Variants in VSIR observed in about 807,000 individuals in gnomAD.
VSIR encodes the protein V-type immunoglobulin domain-containing suppressor of T-cell activation.
VSIR carries 10 observed loss-of-function variants against 31.0 expected under a neutral mutation model. The ratio of observed to expected loss-of-function variants is 0.32; its 90% CI spans 0.20 to 0.55. The LOEUF is 0.55. VSIR is among the 20% of genes least tolerant of loss of function. The pLI is 0.93. For missense variants in VSIR, 356 were observed against 416.2 expected, an observed-to-expected ratio of 0.86 and a Z score of 1.26; for synonymous variants, 179 against 180.1, an observed-to-expected ratio of 0.99 and a Z score of 0.05.
At chr10:71,759,727 G>A (rs563351580) in intron 3 of VSIR, among the ~76,000 whole-genome samples, 5 of 151,324 alleles carry the variant, frequency 3.3e-5, no homozygotes, top group East Asian at 3.9e-4. Context: ...CAGAAGAATC[G>A]CTTGAATCCG....
intron 1 of VSIR, among the ~76,000 whole-genome samples, chr10:71,765,997 G>A (rs980609930): frequency 2.6e-5 from 4 of 152,146 alleles, no homozygotes; most frequent in Non-Finnish European, 4.4e-5. Context: ...GCAGCCTGTC[G>A]TTAGGAGGAC....
intron 3 of VSIR, among the ~76,000 whole-genome samples, chr10:71,755,999 C>G (rs1024414155): frequency 2.6e-5 from 4 of 152,042 alleles, no homozygotes; most frequent in African/African-American, 9.7e-5. Flanking sequence ...AGATAAAAAG[C>G]CCCAACTCAT....
intron 3 of VSIR, among the ~76,000 whole-genome samples, chr10:71,758,821 G>A (rs939229261): frequency 6.6e-6 from 1 of 152,188 alleles, no homozygotes; most frequent in African/African-American, 2.4e-5. Flanking sequence ...GAGCCCAGGA[G>A]TTCAAGACCA....
rs376417656 is a variant in VSIR, at chr10:71,761,884, G to A, written c.225C>T (p.Ser75=). 1.6e-5 allele frequency: 26 copies of A among 1,614,014 alleles called. No homozygotes were observed. Among genetic ancestry groups the A allele is most frequent in the Non-Finnish European group, 2.2e-5 (26 of 1,180,044 alleles). The part of the protein sequence containing the change: ...DVTFYKTWYR[S]SRGEVQTCSE... ...AGCAGGTCTGCACCTCGCCCCTCGA[G>A]CTGCGGTACCACGTCTTGTAGAAGG... Residue 75 remains serine, a synonymous_variant, in exon 2 of 7, where the codon AGC becomes AGT. Transcript: ENST00000394957.
At position 71,773,220 on chromosome 10, in the gene VSIR, C is replaced by T. The variant is rs1840727223; in HGVS notation, c.82+138G>A. ...CACCCTGCCTAGGGGTCCCAGCAGC[C>T]TCTGGGCGGTGGGTGGAGTGGGGTG... On this transcript the variant is annotated intron_variant, in intron 1 of 6. Coordinates refer to ENST00000394957, the MANE Select transcript of VSIR (RefSeq NM_022153.2). The T allele has an allele frequency of 9.7e-6, 10 of 1,029,938 alleles. No homozygotes were observed. The South Asian group carries it at 1.4e-4, about 15-fold the overall frequency. 63.8% of individuals were successfully genotyped at this position (1,029,938 alleles called of 1,614,324 possible). A position where few individuals can be genotyped will look rare whatever the true frequency, so the allele number is the denominator to read the frequency against.
intron 3 of VSIR, among the ~76,000 whole-genome samples, chr10:71,759,818 T>TACACACACACAC (rs1487599802): frequency 0.11 from 5,780 of 50,384 alleles, 1,051 homozygotes; most frequent in East Asian, 0.21. Flanking sequence ...TTTCAGAAAA[T>TACACACACACAC]ATACACACAC....
intron 1 of VSIR, among the ~76,000 whole-genome samples, chr10:71,770,569 C>A (rs1312324447): frequency 6.6e-6 from 1 of 152,236 alleles, no homozygotes. Context: ...GGAGACCAGA[C>A]TGACCCTGGG....
chr10:71,761,880 T>A lies in VSIR; in HGVS notation c.229A>T (p.Arg77Trp), dbSNP rs1304665446. Reference sequence around the variant, plus strand: ...TCTGAGCAGGTCTGCACCTCGCCCCTCGAGCTGCGGTACCACGTCTTGTAG... The same window carrying A: ...TCTGAGCAGGTCTGCACCTCGCCCCACGAGCTGCGGTACCACGTCTTGTAG... Reference protein sequence around the residue: ...TFYKTWYRSSRGEVQTCSERR... With the variant: ...TFYKTWYRSSWGEVQTCSERR... Residue 77 changes from arginine to tryptophan, a missense_variant, in exon 2 of 7, where the codon AGG becomes TGG. Physicochemically the swap from Arg to Trp is moderately radical, Grantham distance 101. This residue lies in a region of VSIR where 166 missense variants were observed against 231.0 expected (regional missense o/e 0.72). Coordinates refer to ENST00000394957, the MANE Select transcript of VSIR (RefSeq NM_022153.2). The A allele has an allele frequency of 4.3e-6, 7 of 1,614,064 alleles. No individual in the cohort carries two copies. Among genetic ancestry groups the A allele is most frequent in the African/African-American group, 1.3e-5 (1 of 75,032 alleles).
intron 1 of VSIR, among the ~76,000 whole-genome samples, chr10:71,765,436 G>A (rs1840512293): frequency 6.6e-6 from 1 of 152,224 alleles, no homozygotes; most frequent in South Asian, 2.1e-4. Flanking sequence ...GGTGGGGTTG[G>A]GGGCCCTCAA....
intron 1 of VSIR, among the ~76,000 whole-genome samples, chr10:71,770,643 G>T (rs1184227765): frequency 6.6e-6 from 1 of 152,162 alleles, no homozygotes. Context: ...CTGCCAACGG[G>T]TTCTCCTTGA....
chr10:71,764,364 A>G (rs1322462389), intron 1 of VSIR, among the ~76,000 whole-genome samples: 1 of 152,230 alleles, frequency 6.6e-6, no homozygotes, highest in Non-Finnish European at 1.5e-5. Flanking sequence ...AGCAAGTGCT[A>G]GAGCTAGAAT....
At chr10:71,752,117 C>CA in intron 5 of VSIR, 1 of 642,534 alleles carries the variant, frequency 1.6e-6, no homozygotes, top group Non-Finnish European at 2.8e-6. Flanking sequence ...GTCTGACCAT[C>CA]AACCCCGGGC....
In VSIR at chr10:71,750,885, C is replaced by T; in HGVS notation, c.*368G>A. ...GTGCCTGGGAGGGTGGCCCAGTGTC[C>T]ATCTTGTCCCACTGATGCTGCCACA... On this transcript the variant is annotated 3_prime_UTR_variant, in exon 7 of 7. Transcript: ENST00000394957. 1 of 199,928 alleles carries T rather than the reference C, an allele frequency of 5.0e-6. No individual in the cohort carries two copies. Among genetic ancestry groups the T allele is most frequent in the Non-Finnish European group, 1.0e-5 (1 of 99,046 alleles). The allele number at this position is 199,928 out of a possible 1,614,324, so 12.4% of individuals were successfully genotyped here.
intron 3 of VSIR, among the ~76,000 whole-genome samples, chr10:71,758,294 G>A (rs898015122): frequency 6.6e-6 from 1 of 152,212 alleles, no homozygotes. Flanking sequence ...TTCCGGCTTA[G>A]GTCCTCGTGC....
chr10:71,766,869 T>C (rs1030620635), intron 1 of VSIR, among the ~76,000 whole-genome samples: 18 of 152,238 alleles, frequency 1.2e-4, no homozygotes, highest in African/African-American at 4.3e-4. Flanking sequence ...GCGGGGCTGA[T>C]GCCTCATCCT....
chr10:71,747,836 T>C lies in VSIR; in HGVS notation c.*3417A>G, dbSNP rs1335562232. 1 of 152,252 alleles carries C rather than the reference T, an allele frequency of 6.6e-6. No individual in the cohort carries two copies. Among genetic ancestry groups the C allele is most frequent in the Admixed American group, 6.5e-5 (1 of 15,288 alleles). The allele number at this position is 152,252 out of a possible 1,614,324, so 9.4% of individuals were successfully genotyped here. The stretch of plus-strand genomic sequence containing the variant: ...CTGTCTCACCAAGCTATATTGATCA[T>C]TCAGAATCCCTCTCAACACATTCCA... On this transcript the variant is annotated 3_prime_UTR_variant, in exon 7 of 7. Coordinates refer to ENST00000394957, the MANE Select transcript of VSIR (RefSeq NM_022153.2).
At chr10:71,770,276 C>T (rs1309144974) in intron 1 of VSIR, among the ~76,000 whole-genome samples, 3 of 152,214 alleles carry the variant, frequency 2.0e-5, no homozygotes, top group Admixed American at 1.3e-4. Flanking sequence ...TCACAGTTGC[C>T]CTCCAAGGGA....
chr10:71,763,168 A>ATT (rs1840440227), intron 1 of VSIR, among the ~76,000 whole-genome samples: 5 of 152,054 alleles, frequency 3.3e-5, no homozygotes, highest in Admixed American at 3.3e-4. Context: ...CGTTGGTGTT[A>ATT]TTTTTATTTA....
chr10:71,752,082 G>T (rs1316169470), intron 5 of VSIR: 1 of 692,566 alleles, frequency 1.4e-6, no homozygotes, highest in Admixed American at 2.0e-5. Flanking sequence ...GGGCCCACCA[G>T]AACAGACCCC....
Sources: allele counts gnomAD v4.1 joint callset (sites outside exome capture counted in the v4.1 genomes callset), GRCh38; gene constraint gnomAD v4.1.1; regional missense constraint gnomAD v4.1.1; transcripts MANE v1.5; gene names NCBI Gene and HGNC (gene_info 2026-07-23, HGNC 2026-07-21).